ESR2: variants seen among roughly 807,000 people sequenced by gnomAD.
ESR2 encodes the protein estrogen receptor 2.
Under a neutral mutation model 49.6 loss-of-function variants are expected in ESR2, and 36 were observed. The observed-to-expected ratio is 0.73, with a 90% CI of 0.56 to 0.96. The LOEUF (loss-of-function observed/expected upper bound fraction) is 0.96. Ranked by LOEUF, ESR2 falls within the 40% of genes least tolerant of loss-of-function variation. The probability of loss-of-function intolerance (pLI) is 0.00; values close to 1 mark genes in which losing one functional copy is unlikely to be tolerated. For synonymous variants in ESR2, 320 were observed against 266.1 expected (o/e 1.20, Z -1.97); for missense variants, 714 against 693.0 (o/e 1.03, Z -0.34).
chr14:64,241,906 A>C (rs1426709189), intron 7 of ESR2, among the ~76,000 whole-genome samples: 2 of 152,176 alleles, frequency 1.3e-5, no homozygotes, highest in Non-Finnish European at 2.9e-5. Context: ...GCCTTAATGC[A>C]CTGGGTAGAA....
intron 7 of ESR2, among the ~76,000 whole-genome samples, chr14:64,241,041 G>T (rs1225771406): frequency 3.3e-5 from 5 of 151,448 alleles, no homozygotes; most frequent in African/African-American, 1.2e-4. Context: ...AGCTACTGGG[G>T]AGGCTGAGGC....
At chr14:64,312,456 C>A (rs2077197776) in intron 1 of ESR2, among the ~76,000 whole-genome samples, 1 of 152,012 alleles carries the variant, frequency 6.6e-6, no homozygotes, top group Non-Finnish European at 1.5e-5. Flanking sequence ...CCGAAGCAAG[C>A]AGATCACTTG....
intron 7 of ESR2, among the ~76,000 whole-genome samples, chr14:64,244,940 G>C (rs79512176): frequency 0.03 from 4,608 of 152,266 alleles, 186 homozygotes; most frequent in East Asian, 0.085. Flanking sequence ...CTCCTCGTTT[G>C]TGTCCCTCCT....
At chr14:64,297,844 A>G (rs1267058653), upstream of ESR2, 1 of 152,224 alleles carries the variant, frequency 6.6e-6, no homozygotes, top group Non-Finnish European at 1.5e-5. Flanking sequence ...CTGAGCTTGA[A>G]GCCAAGTAGG....
At chr14:64,249,515 T>C (rs1300399665) in intron 7 of ESR2, 31 bp downstream of exon 7, 2 of 1,606,870 alleles carry the variant, frequency 1.2e-6, no homozygotes, top group African/African-American at 1.3e-5. Flanking sequence ...CTCTCCCCGA[T>C]AAAACATGGC....
chr14:64,238,701 A>T (rs2075657954), intron 7 of ESR2, among the ~76,000 whole-genome samples: 2 of 152,098 alleles, frequency 1.3e-5, no homozygotes, highest in Admixed American at 1.3e-4. Context: ...ATCAGTTAGG[A>T]TTCACTGTAA....
chr14:64,242,930 C>T (rs760746115), intron 7 of ESR2, among the ~76,000 whole-genome samples: 45 of 152,158 alleles, frequency 3.0e-4, no homozygotes, highest in Non-Finnish European at 2.9e-4. Context: ...TCTCATGTGG[C>T]GGCAGACAAG....
Position 64,235,044 on chromosome 14 carries a change from G to A in ESR2, c.1332C>T (p.Ser444=), listed in dbSNP as rs144392940. ...TDALVWVIAK[S]GISSQQQSMR... is the part of the protein sequence containing the mutation. Reference sequence around the variant, plus strand: ...TGGATTGCTGCTGGGAGGAGATGCCGCTCTTGGCAATCACCCAAACCAAAG... The same window carrying A: ...TGGATTGCTGCTGGGAGGAGATGCCACTCTTGGCAATCACCCAAACCAAAG... The change falls in exon 8 of 9, where the codon AGC becomes AGT. Residue 444 remains serine (S), a synonymous_variant. Transcript: ENST00000341099. 206 of 1,614,190 alleles carry A rather than the reference G, an allele frequency of 1.3e-4. No individual in the cohort carries two copies. Among genetic ancestry groups the A allele is most frequent in the Non-Finnish European group, 1.6e-4 (186 of 1,180,042 alleles).
chr14:64,305,532 G>C (rs531131139), intron 1 of ESR2, among the ~76,000 whole-genome samples: 1 of 151,700 alleles, frequency 6.6e-6, no homozygotes, highest in Non-Finnish European at 1.5e-5. Flanking sequence ...TTAGGCGGGC[G>C]TGGTAGCGGA....
chr14:64,251,420 C>G (rs1006782393), intron 6 of ESR2, among the ~76,000 whole-genome samples: 1 of 150,194 alleles, frequency 6.7e-6, no homozygotes, highest in Non-Finnish European at 1.5e-5. Flanking sequence ...CATACACACA[C>G]ACACACACAC....
chr14:64,318,065 G>A (rs920483720), intron 1 of ESR2, among the ~76,000 whole-genome samples: 3 of 152,048 alleles, frequency 2.0e-5, no homozygotes, highest in Non-Finnish European at 1.5e-5. Context: ...AACTGTTTTT[G>A]TTCACAGATT....
chr14:64,312,295 G>T (rs1446244706), intron 1 of ESR2, among the ~76,000 whole-genome samples: 1 of 151,990 alleles, frequency 6.6e-6, no homozygotes, highest in Non-Finnish European at 1.5e-5. Context: ...TTAGGAAAAA[G>T]AAAACAGAAA....
chr14:64,314,877 C>CAAAAAAAAAAAAAAAAA (rs1179436563), intron 1 of ESR2, among the ~76,000 whole-genome samples: 4 of 20,496 alleles, frequency 2.0e-4, no homozygotes, highest in Non-Finnish European at 3.4e-4. Flanking sequence ...GACTCCGTCT[C>CAAAAAAAAAAAAAAAAA]AAAAAAAAAA....
At chr14:64,294,601 G>C (rs536631411), upstream of ESR2, among the ~76,000 whole-genome samples, 5 of 152,336 alleles carry the variant, frequency 3.3e-5, no homozygotes, top group Non-Finnish European at 5.9e-5. Flanking sequence ...AAGAGGTCTG[G>C]AGTAGGGCCT....
At chr14:64,265,753 C>G (rs1230625305) in intron 4 of ESR2, among the ~76,000 whole-genome samples, 1 of 152,096 alleles carries the variant, frequency 6.6e-6, no homozygotes, top group Non-Finnish European at 1.5e-5. Flanking sequence ...ATGACCACAT[C>G]CATACTTCAG....
At chr14:64,310,359 G>A (rs1249778104) in intron 1 of ESR2, among the ~76,000 whole-genome samples, 2 of 150,642 alleles carry the variant, frequency 1.3e-5, no homozygotes, top group East Asian at 3.9e-4. Context: ...TAATTCATAA[G>A]CTCAATATTG....
intron 1 of ESR2, among the ~76,000 whole-genome samples, chr14:64,319,804 C>G (rs1006749046): frequency 6.6e-6 from 1 of 152,192 alleles, no homozygotes; most frequent in African/African-American, 2.4e-5. Flanking sequence ...GTGAGAGTGA[C>G]AGCAATAGCT....
rs2098724901 is a variant in ESR2, at chr14:64,229,084, C to T, written c.*4053G>A. ...TCACAGACAGGAGGTGATCACAGTA[C>T]CCACTAGAGCTCATGAACCTGAGAT... On this transcript the variant is annotated 3_prime_UTR_variant, in exon 9 of 9. Transcript: ENST00000341099. Among the ~76,000 whole-genome samples the T allele has an allele frequency of 6.6e-6, 1 of 152,102 alleles. No homozygotes were observed.
chr14:64,271,960 G>GT (rs1206899671), intron 3 of ESR2, among the ~76,000 whole-genome samples: 2 of 152,160 alleles, frequency 1.3e-5, no homozygotes, highest in East Asian at 3.8e-4. Flanking sequence ...TCTATTTGTA[G>GT]TTTTTTGAGG....
Sources: gnomAD v4.1 joint callset for allele counts (sites outside exome capture counted in the v4.1 genomes callset) on GRCh38, gnomAD v4.1.1 for gene constraint, MANE v1.5 for transcripts, NCBI Gene and HGNC (gene_info 2026-07-23, HGNC 2026-07-21) for gene names.